The following SPATA7 variants were observed in gnomAD, a reference collection of about 807,000 sequenced individuals.
SPATA7 encodes spermatogenesis-associated protein 7.
Under a neutral mutation model 51.8 loss-of-function variants are expected in SPATA7, and 43 were observed. The observed-to-expected ratio is 0.83, with a 90% CI of 0.65 to 1.07. SPATA7 has a LOEUF of 1.07. Among genes scored for constraint, SPATA7 ranks in the 50% least tolerant of loss-of-function variants. The pLI, the probability that SPATA7 is intolerant of heterozygous loss-of-function variation, is 0.00. For synonymous variants in SPATA7, 230 were observed against 252.8 expected, an observed-to-expected ratio of 0.91 and a Z score of 0.86; for missense variants, 683 against 701.3, an observed-to-expected ratio of 0.97 and a Z score of 0.30.
intron 4 of SPATA7, among the ~76,000 whole-genome samples, chr14:88,403,912 AG>A (rs2076137565): frequency 6.6e-6 from 1 of 152,336 alleles, no homozygotes; most frequent in Non-Finnish European, 1.5e-5. Context: ...CACAAAAAAA[AG>A]AAAAAGTAGC....
At chr14:88,400,793 C>G (rs2076035858) in intron 4 of SPATA7, among the ~76,000 whole-genome samples, 1 of 152,032 alleles carries the variant, frequency 6.6e-6, no homozygotes, top group African/African-American at 2.4e-5. Context: ...TGAGATCATG[C>G]CCCTGCACTC....
chr14:88,401,783 G>T (rs566515681), intron 4 of SPATA7, among the ~76,000 whole-genome samples: 117 of 145,674 alleles, frequency 8.0e-4, no homozygotes, highest in Non-Finnish European at 1.5e-3. Context: ...GTCACAGTGG[G>T]CTTTGACCGT....
intron 4 of SPATA7, among the ~76,000 whole-genome samples, chr14:88,465,359 C>A (rs1166734919): frequency 6.6e-6 from 1 of 152,038 alleles, no homozygotes; most frequent in African/African-American, 2.4e-5. Flanking sequence ...CCCAGCTACT[C>A]AGGAGGCTGA....
At chr14:88,444,708 G>A (rs1595309565) in intron 3 of SPATA7, among the ~76,000 whole-genome samples, 3 of 152,168 alleles carry the variant, frequency 2.0e-5, no homozygotes, top group Non-Finnish European at 4.4e-5. Context: ...CATATGGCTA[G>A]CCAGTTTTCC....
chr14:88,436,245 T>G (rs2140024797), intron 10 of SPATA7, among the ~76,000 whole-genome samples: 1 of 152,316 alleles, frequency 6.6e-6, no homozygotes, highest in Admixed American at 6.5e-5. Context: ...TTTTGCCCAT[T>G]TTTTGATTGG....
At chr14:88,388,622 C>G (rs1241055659) in intron 1 of SPATA7, among the ~76,000 whole-genome samples, 1 of 152,032 alleles carries the variant, frequency 6.6e-6, no homozygotes, top group Non-Finnish European at 1.5e-5. Context: ...CTGGGCGTGT[C>G]AGCTCATGCC....
At chr14:88,438,620 G>T (rs1333106827), downstream of SPATA7, among the ~76,000 whole-genome samples, 1 of 152,182 alleles carries the variant, frequency 6.6e-6, no homozygotes, top group Non-Finnish European at 1.5e-5. Context: ...CAGCTTAGTT[G>T]GGTCCTCTGT....
intron 4 of SPATA7, among the ~76,000 whole-genome samples, chr14:88,461,724 ACT>A (rs1326478569): frequency 1.3e-5 from 2 of 151,244 alleles, no homozygotes; most frequent in African/African-American, 4.9e-5. Flanking sequence ...TCCTGCCCCC[ACT>A]GTCCGACAAG....
At chr14:88,390,994 C>G (rs1052908497) in intron 1 of SPATA7, among the ~76,000 whole-genome samples, 34 of 152,126 alleles carry the variant, frequency 2.2e-4, no homozygotes, top group African/African-American at 4.6e-4. Flanking sequence ...TCTATTCTGA[C>G]AAGCTTTGTT....
intron 4 of SPATA7, among the ~76,000 whole-genome samples, chr14:88,408,790 C>G (rs570077208): frequency 6.3e-4 from 96 of 152,242 alleles, no homozygotes; most frequent in African/African-American, 2.2e-3. Flanking sequence ...CTATCAACAC[C>G]TAGTTTATTG....
intron 3 of SPATA7, among the ~76,000 whole-genome samples, chr14:88,394,696 T>C (rs1167020297): frequency 2.0e-5 from 3 of 152,172 alleles, no homozygotes; most frequent in Non-Finnish European, 2.9e-5. Context: ...TGTGAGGTAA[T>C]ATATTAAGTA....
In SPATA7 at chr14:88,443,757, GTTTGCTCAGAAT is replaced by G. The variant is rs776276051; in HGVS notation, c.177+5855_177+5866del. 6.3e-3 allele frequency among the ~76,000 whole-genome samples: 959 copies of G among 152,080 alleles called. 3 individuals carry two copies. Among genetic ancestry groups the G allele is most frequent in the Non-Finnish European group, 9.8e-3 (667 of 67,998 alleles). ...TGTTTGGTTTTCTGTCCTTGAGATA[GTTTGCTCAGAAT>G]GATGGTTTCCAGCTTCATCCATGTT... On this transcript the variant is annotated intron_variant, in intron 3 of 3. Transcript: ENST00000554802.
At chr14:88,431,051 A>T in intron 8 of SPATA7, 121 bp from the exon 9 acceptor site, 1 of 931,910 alleles carries the variant, frequency 1.1e-6, no homozygotes, top group South Asian at 1.3e-5. Flanking sequence ...ATTCTGAAAC[A>T]CTTCTGGTTC....
At chr14:88,438,474 C>A, downstream of SPATA7, 1 of 1,367,520 alleles carries the variant, frequency 7.3e-7, no homozygotes, top group Non-Finnish European at 1.0e-6. Flanking sequence ...TACTTTTCTT[C>A]CTTTTTTAAA....
At chr14:88,444,960 C>T (rs1394882935) in intron 3 of SPATA7, among the ~76,000 whole-genome samples, 20 of 152,062 alleles carry the variant, frequency 1.3e-4, no homozygotes, top group Admixed American at 7.2e-4. Flanking sequence ...ATTGACTTGG[C>T]GATGCAGGCT....
chr14:88,440,764 T>C (rs1261527386), downstream of SPATA7, among the ~76,000 whole-genome samples: 1 of 152,180 alleles, frequency 6.6e-6, no homozygotes, highest in African/African-American at 2.4e-5. Flanking sequence ...GCCTTTATCA[T>C]AGAATACAAG....
At chr14:88,417,006 C>T (rs548773309) in intron 5 of SPATA7, among the ~76,000 whole-genome samples, 162 bp downstream of exon 5, 1 of 152,274 alleles carries the variant, frequency 6.6e-6, no homozygotes, top group Non-Finnish European at 1.5e-5. Context: ...GTCACAACTA[C>T]TCTGCCATTG....
At chr14:88,467,703 G>A (rs1174053515) in intron 4 of SPATA7, 1 of 175,076 alleles carries the variant, frequency 5.7e-6, no homozygotes, top group Non-Finnish European at 1.2e-5. Flanking sequence ...CTTACACAAA[G>A]TTGTTTCTCA....
intron 10 of SPATA7, among the ~76,000 whole-genome samples, chr14:88,433,891 A>G (rs528791471): frequency 2.0e-5 from 3 of 152,120 alleles, no homozygotes; most frequent in African/African-American, 7.2e-5. Flanking sequence ...TAAAGCAAAC[A>G]TTTTCATTAT....
Sources: allele counts gnomAD v4.1 joint callset (sites outside exome capture counted in the v4.1 genomes callset), GRCh38; gene constraint gnomAD v4.1.1; transcripts MANE v1.5; gene names NCBI Gene and HGNC (gene_info 2026-07-23, HGNC 2026-07-21).